The following FAM168B variants were observed in gnomAD, a reference collection of about 807,000 sequenced individuals.
FAM168B encodes family with sequence similarity 168 member B, also known as myelin-associated neurite-outgrowth inhibitor.
FAM168B carries 19 observed loss-of-function variants against 21.8 expected under a neutral mutation model. The observed-to-expected ratio is 0.87, with a 90% confidence interval of 0.61 to 1.28. The LOEUF (loss-of-function observed/expected upper bound fraction) is 1.28, where lower values mean the gene tolerates loss of function less well. FAM168B is among the 50% of genes most tolerant of loss of function. FAM168B has a pLI of 0.00. For missense variants in FAM168B, 233 were observed against 263.1 expected (o/e 0.89, Z 0.79); for synonymous variants, 126 against 104.8 (o/e 1.20, Z -1.24).
chr2:131,079,832 T>G (rs752001169), intron 2 of FAM168B, among the ~76,000 whole-genome samples: 1 of 150,368 alleles, frequency 6.7e-6, no homozygotes, highest in South Asian at 2.1e-4. Flanking sequence ...AAAAAAAAAA[T>G]GTGGCTCGGA....
chr2:131,082,678 T>C lies in FAM168B; in HGVS notation c.-11-21A>G, dbSNP rs201077515. On this transcript the variant is annotated intron_variant, in intron 1 of 6. Coordinates refer to ENST00000389915, the MANE Select transcript of FAM168B (RefSeq NM_001009993.4). ...AAAAACTAAAAGAAAAAAAAGGGAA[T>C]TTAGCCAAGCACTTTTGCTCTCAGA... 8 of 1,532,198 alleles carry C rather than the reference T, an allele frequency of 5.2e-6. No homozygotes were observed. The Admixed American group carries it at 1.4e-4, about 26-fold the overall frequency. The allele number at this position is 1,532,198 out of a possible 1,614,324, so 94.9% of individuals were successfully genotyped here. A position where few individuals can be genotyped will look rare whatever the true frequency, so the allele number is the denominator to read the frequency against.
chr2:131,073,194 G>A (rs1692960393), intron 2 of FAM168B, among the ~76,000 whole-genome samples: 1 of 151,780 alleles, frequency 6.6e-6, no homozygotes, highest in Non-Finnish European at 1.5e-5. Context: ...CTGGGTTCAA[G>A]CATTTCTCCT....
At chr2:131,092,966 AGCCACCTCG>A (rs1427358526) in intron 1 of FAM168B, among the ~76,000 whole-genome samples, 1 of 151,726 alleles carries the variant, frequency 6.6e-6, no homozygotes, top group Non-Finnish European at 1.5e-5. Context: ...CGCGCCGCGA[AGCCACCTCG>A]GCCACCTAGG....
At chr2:131,091,098 C>T (rs1693996626) in intron 1 of FAM168B, among the ~76,000 whole-genome samples, 1 of 152,168 alleles carries the variant, frequency 6.6e-6, no homozygotes, top group Non-Finnish European at 1.5e-5. Context: ...CTCTGGGAGG[C>T]CAACGCGGGT....
Position 131,048,343 on chromosome 2 carries a change from C to G in FAM168B, c.*4122G>C, listed in dbSNP as rs972438383. ...TCTGCACAGGGACTCATGGGCACAG[C>G]CTGTGGTGAGGAGGAGACACCTGTC... On this transcript the variant is annotated 3_prime_UTR_variant, in exon 7 of 7. Coordinates refer to ENST00000389915, the MANE Select transcript of FAM168B (RefSeq NM_001009993.4). 1.5e-6 allele frequency: 2 copies of G among 1,301,750 alleles called. No individual in the cohort carries two copies. Among genetic ancestry groups the G allele is most frequent in the African/African-American group, 1.5e-5 (1 of 65,802 alleles). 80.6% of individuals were successfully genotyped at this position (1,301,750 alleles called of 1,614,324 possible).
chr2:131,082,779 C>T, intron 1 of FAM168B, 122 bp from the exon 2 acceptor site: 1 of 609,230 alleles, frequency 1.6e-6, no homozygotes, highest in East Asian at 3.0e-5. Flanking sequence ...CAATGCATTT[C>T]ATGCTGCCCC....
At chr2:131,071,014 G>A (rs933557633) in intron 3 of FAM168B, among the ~76,000 whole-genome samples, 5 of 152,182 alleles carry the variant, frequency 3.3e-5, no homozygotes, top group African/African-American at 4.8e-5. Flanking sequence ...TGTGAACTAC[G>A]GTCTGAACAA....
chr2:131,091,176 T>A (rs1281756801), intron 1 of FAM168B, among the ~76,000 whole-genome samples: 1 of 151,934 alleles, frequency 6.6e-6, no homozygotes, highest in African/African-American at 2.4e-5. Context: ...CCATCTCTAC[T>A]AAAAACACAA....
chr2:131,072,783 A>T (rs1039062778), intron 2 of FAM168B, among the ~76,000 whole-genome samples: 10 of 152,166 alleles, frequency 6.6e-5, no homozygotes, highest in African/African-American at 2.4e-4. Context: ...TGGAAGTTTC[A>T]TTCCAAACTC....
At chr2:131,069,197 T>C (rs766669668) in intron 3 of FAM168B, among the ~76,000 whole-genome samples, 43 of 152,176 alleles carry the variant, frequency 2.8e-4, no homozygotes, top group Non-Finnish European at 4.1e-4. Context: ...AATAAAAAAG[T>C]TGAAAGTTTT....
At chr2:131,067,818 A>AT (rs1023303302) in intron 3 of FAM168B, among the ~76,000 whole-genome samples, 2 of 152,156 alleles carry the variant, frequency 1.3e-5, no homozygotes, top group African/African-American at 4.8e-5. Flanking sequence ...TCTCTTTTAA[A>AT]TTTTTTATAC....
At chr2:131,079,522 G>A (rs796448918) in intron 2 of FAM168B, among the ~76,000 whole-genome samples, 27 of 152,290 alleles carry the variant, frequency 1.8e-4, no homozygotes, top group African/African-American at 6.5e-4. Context: ...GACCATGGAG[G>A]CAGAAATGGG....
rs1167929888 is a variant in FAM168B, at chr2:131,048,137, CGA to C, written c.*4326_*4327del. On this transcript the variant is annotated 3_prime_UTR_variant, in exon 7 of 7. Transcript: ENST00000389915. ...TGCTGACTTAGCTTAAAAAAAGTAC[CGA>C]GAGAACGGTGTAAAAAACGGTATTT... 1 of 1,208,742 alleles carries C rather than the reference CGA, an allele frequency of 8.3e-7. No individual in the cohort carries two copies. The highest frequency in any genetic ancestry group is 1.6e-5 in the African/African-American group (1 of 63,224). The allele number at this position is 1,208,742 out of a possible 1,614,324, so 74.9% of individuals were successfully genotyped here.
At chr2:131,091,965 TAA>T (rs57542340) in intron 1 of FAM168B, among the ~76,000 whole-genome samples, 1 of 128,830 alleles carries the variant, frequency 7.8e-6, no homozygotes, top group Admixed American at 8.0e-5. Context: ...TCGTCTCTAC[TAA>T]AAAAAAAAAA....
At chr2:131,092,901 G>C (rs1479047057) in intron 1 of FAM168B, among the ~76,000 whole-genome samples, 2 of 152,102 alleles carry the variant, frequency 1.3e-5, no homozygotes, top group Admixed American at 6.5e-5. Flanking sequence ...CTCTGCCCCC[G>C]GGTTTCACGC....
At chr2:131,054,058 T>C (rs1259878103) in intron 5 of FAM168B, among the ~76,000 whole-genome samples, 1 of 151,084 alleles carries the variant, frequency 6.6e-6, no homozygotes, top group Non-Finnish European at 1.5e-5. Context: ...TACAAAAAAA[T>C]ATTAGGCAGG....
chr2:131,072,113 TTTG>T (rs952505592), intron 2 of FAM168B, among the ~76,000 whole-genome samples, 175 bp from the exon 3 acceptor site: 25 of 152,320 alleles, frequency 1.6e-4, no homozygotes, highest in Admixed American at 1.3e-3. Context: ...CCCGCAGAAC[TTTG>T]TTTTTTTTAT....
chr2:131,083,355 A>AAAAAC (rs1007579795), intron 1 of FAM168B, among the ~76,000 whole-genome samples: 12 of 152,262 alleles, frequency 7.9e-5, no homozygotes, highest in African/African-American at 2.2e-4. Flanking sequence ...TCCGTCTCAA[A>AAAAAC]AAAACAAAAC....
At chr2:131,084,051 C>G (rs898292230) in intron 1 of FAM168B, among the ~76,000 whole-genome samples, 6 of 151,002 alleles carry the variant, frequency 4.0e-5, no homozygotes, top group African/African-American at 1.5e-4. Flanking sequence ...TACAGGCGTG[C>G]GCCACCACAC....
Sources: gnomAD v4.1 joint callset for allele counts (sites outside exome capture counted in the v4.1 genomes callset) on GRCh38, gnomAD v4.1.1 for gene constraint, MANE v1.5 for transcripts, NCBI Gene and HGNC (gene_info 2026-07-23, HGNC 2026-07-21) for gene names.